DBH: variants seen among roughly 807,000 people sequenced by gnomAD.
DBH encodes the protein dopamine beta-hydroxylase.
In DBH, 49 loss-of-function variants were observed where a neutral mutation model predicts 64.0. The observed-to-expected ratio is 0.77, with a 90% CI of 0.61 to 0.97. DBH has a LOEUF of 0.97. Among genes scored for constraint, DBH ranks in the 50% least tolerant of loss-of-function variants. The pLI is 0.00. For synonymous variants in DBH, 343 were observed against 347.1 expected (o/e 0.99, Z 0.13); for missense variants, 828 against 826.6 (o/e 1.00, Z -0.02).
rs765749614 is a variant in DBH, at chr9:133,642,209, C to T, written c.489C>T (p.Asp163=). ...TCDPKDYLIE[D]GTVHLVYGIL... ...GCTGAACCCTGTCTCGGCTGCAGGA[C>T]GGCACTGTCCACTTGGTCTACGGGA... Residue 163 remains aspartate (D), a splice_region_variant and synonymous_variant, in exon 3 of 12, where the codon GAC becomes GAT. Transcript: ENST00000393056. The T allele has an allele frequency of 2.4e-5, 39 of 1,612,862 alleles. No homozygotes were observed. Among genetic ancestry groups the T allele is most frequent in the Admixed American group, 2.3e-4 (14 of 60,002 alleles).
At chr9:133,647,780 G>T in intron 5 of DBH, 66 bp from the exon 6 acceptor site, 2 of 1,597,348 alleles carry the variant, frequency 1.3e-6, no homozygotes, top group Non-Finnish European at 1.7e-6. Context: ...GGGATAATCT[G>T]TCCGCAGGGG....
At chr9:133,645,707 A>G (rs751216279) in intron 5 of DBH, among the ~76,000 whole-genome samples, 11 of 152,166 alleles carry the variant, frequency 7.2e-5, no homozygotes, top group Non-Finnish European at 1.3e-4. Context: ...CTCATCTTAA[A>G]GGAAACAAGT....
intron 3 of DBH, among the ~76,000 whole-genome samples, chr9:133,642,924 G>C (rs1832134266): frequency 2.0e-5 from 3 of 152,180 alleles, no homozygotes; most frequent in Admixed American, 2.0e-4. Context: ...CATCATAAGA[G>C]CCCCTAGTTT....
chr9:133,644,015 C>T (rs1282363831), intron 4 of DBH, among the ~76,000 whole-genome samples: 1 of 152,152 alleles, frequency 6.6e-6, no homozygotes, highest in African/African-American at 2.4e-5. Flanking sequence ...AGCTCCTCTC[C>T]CCAACTCCCT....
Position 133,657,176 on chromosome 9 carries a change from A to G in DBH, c.1669A>G (p.Ser557Gly), listed in dbSNP as rs1037100326. 3.1e-6 allele frequency: 5 copies of G among 1,613,980 alleles called. No individual in the cohort carries two copies. The African/African-American group carries it at 6.7e-5, about 22-fold the overall frequency. ...FNRDVLKALYSFAPISMHCNK... is the reference protein window; with the variant it reads ...FNRDVLKALYGFAPISMHCNK... Reference sequence around the variant, plus strand: ...CCGCGACGTACTGAAGGCCCTGTACAGCTTCGCGCCCATCTCCATGCACTG... The same window carrying G: ...CCGCGACGTACTGAAGGCCCTGTACGGCTTCGCGCCCATCTCCATGCACTG... Residue 557 changes from serine (S) to glycine (G), a missense_variant, in exon 11 of 12, where the codon AGC becomes GGC. Physicochemically the swap from Ser to Gly is moderately conservative, Grantham distance 56. Coordinates refer to ENST00000393056, the MANE Select transcript of DBH (RefSeq NM_000787.4).
At position 133,647,976 on chromosome 9, in the gene DBH, C is replaced by T. The variant is rs752651309; in HGVS notation, c.1155C>T (p.Ile385=). The T allele has an allele frequency of 1.9e-6, 3 of 1,613,726 alleles. No homozygotes were observed. Among genetic ancestry groups the T allele is most frequent in the East Asian group, 2.2e-5 (1 of 44,868 alleles). ...MAIPPRETAF[I]LTGYCTDKCT... ...TTCCACCACGGGAGACCGCCTTCAT[C>T]CTCACTGGCTACTGCACGGACAAGT... is the stretch of plus-strand genomic sequence containing the variant. The change falls in exon 6 of 12, where the codon ATC becomes ATT. Residue 385 remains isoleucine, a synonymous_variant. Coordinates refer to ENST00000393056, the MANE Select transcript of DBH (RefSeq NM_000787.4).
intron 5 of DBH, 121 bp from the exon 6 acceptor site, chr9:133,647,719 AGATGGG>A: frequency 1.8e-6 from 2 of 1,139,818 alleles, no homozygotes; most frequent in South Asian, 2.7e-5. Flanking sequence ...AGGTGGGAGC[AGATGGG>A]GGGTGACCGG....
In DBH at chr9:133,642,405, A is replaced by C; in HGVS notation, c.685A>C (p.Thr229Pro). Residue 229 changes from threonine to proline, a missense_variant, in exon 3 of 12, where the codon ACG (threonine) becomes CCG (proline). Transcript: ENST00000393056. ...PNIQIPSQET[T>P]YWCYIKELPK... is the part of the protein sequence containing the mutation. Reference sequence around the variant, plus strand: ...TATCCAGATCCCCAGCCAGGAGACCACGTACTGGTGCTACATTAAGGAGCT... The same window carrying C: ...TATCCAGATCCCCAGCCAGGAGACCCCGTACTGGTGCTACATTAAGGAGCT... The C allele has an allele frequency of 6.2e-7, 1 of 1,613,948 alleles. No homozygotes were observed. The highest frequency in any genetic ancestry group is 8.5e-7 in the Non-Finnish European group (1 of 1,179,932).
intron 6 of DBH, among the ~76,000 whole-genome samples, chr9:133,648,689 C>T (rs1832211668): frequency 6.6e-6 from 1 of 152,238 alleles, no homozygotes; most frequent in Admixed American, 6.5e-5. Flanking sequence ...GGTGGAGGCA[C>T]AGGTTGGCGC....
chr9:133,636,512 C>T lies in DBH; in HGVS notation c.141C>T (p.Leu47=). The change falls in exon 1 of 12, where the codon CTC becomes CTT. Residue 47 remains leucine (L), a synonymous_variant. Transcript: ENST00000393056. The part of the protein sequence containing the change: ...LQGSAPRESP[L]PYHIPLDPEG... Reference sequence around the variant, plus strand: ...GCTCGGCTCCCCGTGAGAGCCCCCTCCCCTATCACATCCCCCTGGACCCGG... The same window carrying T: ...GCTCGGCTCCCCGTGAGAGCCCCCTTCCCTATCACATCCCCCTGGACCCGG... 1 of 1,613,458 alleles carries T rather than the reference C, an allele frequency of 6.2e-7. No homozygotes were observed. The highest frequency in any genetic ancestry group is 8.5e-7 in the Non-Finnish European group (1 of 1,180,020).
chr9:133,638,626 A>G (rs1260657013), intron 1 of DBH, among the ~76,000 whole-genome samples: 1 of 152,096 alleles, frequency 6.6e-6, no homozygotes, highest in Non-Finnish European at 1.5e-5. Context: ...TGTGAGAGTC[A>G]GGTGGAGGAG....
At chr9:133,657,375 G>A in intron 11 of DBH, 146 bp downstream of exon 11, 1 of 838,522 alleles carries the variant, frequency 1.2e-6, no homozygotes. Flanking sequence ...GTGACACATA[G>A]GCCTAGACAG....
intron 10 of DBH, 42 bp downstream of exon 10, chr9:133,656,692 C>T (rs368649257): frequency 5.2e-5 from 84 of 1,606,792 alleles, no homozygotes; most frequent in African/African-American, 3.9e-4. Flanking sequence ...CAGGGAACCC[C>T]GACACAGAAC....
chr9:133,652,353 G>A (rs1588352780), intron 8 of DBH, 69 bp downstream of exon 8: 3 of 1,559,080 alleles, frequency 1.9e-6, no homozygotes, highest in East Asian at 2.2e-5. Context: ...GGCTGGGGGT[G>A]CCACCAGAAG....
At position 133,639,925 on chromosome 9, in the gene DBH, C is replaced by T; in HGVS notation, c.419C>T (p.Pro140Leu). Reference protein sequence around the residue: ...DYQLLQVQRTPEGLTLLFKRP... With the variant: ...DYQLLQVQRTLEGLTLLFKRP... ...CAGCTGCTGCAGGTGCAGAGGACCCCAGAAGGCCTGACCCTGCTTTTCAAG... is the reference window on the plus strand; with the variant it reads ...CAGCTGCTGCAGGTGCAGAGGACCCTAGAAGGCCTGACCCTGCTTTTCAAG... Residue 140 changes from proline to leucine, a missense_variant, in exon 2 of 12, where the codon CCA becomes CTA. Physicochemically the swap from Pro to Leu is moderately conservative, Grantham distance 98. Coordinates refer to ENST00000393056, the MANE Select transcript of DBH (RefSeq NM_000787.4). 6.2e-7 allele frequency: 1 copy of T among 1,613,806 alleles called. No individual in the cohort carries two copies. The highest frequency in any genetic ancestry group is 8.5e-7 in the Non-Finnish European group (1 of 1,179,952).
In DBH at chr9:133,639,978, G is replaced by A; in HGVS notation, c.472G>A (p.Asp158Asn). ...KRPFGTCDPK[D>N]YLIEDGTVHL... The stretch of plus-strand genomic sequence containing the variant: ...GCCCTTTGGCACCTGCGACCCCAAG[G>A]ATTACCTCATTGAAGTAAGGGGTGG... The change falls in exon 2 of 12, where the codon GAT becomes AAT. Residue 158 changes from aspartate to asparagine, a missense_variant. Physicochemically the swap from Asp to Asn is conservative, Grantham distance 23. Coordinates refer to ENST00000393056, the MANE Select transcript of DBH (RefSeq NM_000787.4). The A allele has an allele frequency of 6.2e-7, 1 of 1,613,946 alleles. No homozygotes were observed. Among genetic ancestry groups the A allele is most frequent in the Non-Finnish European group, 8.5e-7 (1 of 1,180,000 alleles).
chr9:133,652,160 C>A, intron 7 of DBH, 86 bp from the exon 8 acceptor site: 1 of 1,500,136 alleles, frequency 6.7e-7, no homozygotes, highest in Non-Finnish European at 9.3e-7. Context: ...GTCAGGGAGG[C>A]CTGAGGGAGG....
chr9:133,645,095 G>A (rs1381106684), intron 5 of DBH, among the ~76,000 whole-genome samples: 3 of 152,184 alleles, frequency 2.0e-5, no homozygotes, highest in Non-Finnish European at 4.4e-5. Context: ...GTGCTAGGCT[G>A]TGCCTCACCA....
rs946681467 is a variant in DBH, at chr9:133,645,170, G to T, written c.1024+850G>T. ...TTCTCCCACCTCCCACAGCTATTGTGAAGCTGGGAAAGGCTCACGCACAGA... is the reference window on the plus strand; with the variant it reads ...TTCTCCCACCTCCCACAGCTATTGTTAAGCTGGGAAAGGCTCACGCACAGA... On this transcript the variant is annotated intron_variant, in intron 5 of 11. Coordinates refer to ENST00000393056, the MANE Select transcript of DBH (RefSeq NM_000787.4). 9.2e-5 allele frequency among the ~76,000 whole-genome samples: 14 copies of T among 151,826 alleles called. 1 individual carries two copies. The highest frequency in any genetic ancestry group is 7.9e-4 in the Admixed American group (12 of 15,284).
Sources: allele counts gnomAD v4.1 joint callset (sites outside exome capture counted in the v4.1 genomes callset), GRCh38; gene constraint gnomAD v4.1.1; transcripts MANE v1.5; gene names NCBI Gene and HGNC (gene_info 2026-07-23, HGNC 2026-07-21).